Variants in EXOC4 observed in about 807,000 individuals in gnomAD.
EXOC4 encodes exocyst complex component 4.
A neutral mutation model predicts 107.2 loss-of-function variants in EXOC4; 71 were observed. That is an observed-to-expected ratio of 0.66 (90% CI 0.55 to 0.81). The LOEUF (loss-of-function observed/expected upper bound fraction) is 0.81, where lower values mean the gene tolerates loss of function less well. Among genes scored for constraint, EXOC4 ranks in the 30% least tolerant of loss-of-function variants. The pLI is 0.00. For missense variants in EXOC4, 1,108 were observed against 1,189.6 expected (o/e 0.93, Z 1.01); for synonymous variants, 456 against 441.2 (o/e 1.03, Z -0.42).
At chr7:133,490,231 A>G (rs1378562593) in intron 9 of EXOC4, among the ~76,000 whole-genome samples, 1 of 152,176 alleles carries the variant, frequency 6.6e-6, no homozygotes, top group African/African-American at 2.4e-5. Context: ...TGCATGAGAG[A>G]TGAGTAAACT....
At chr7:134,058,034 T>C (rs1795970948) in intron 17 of EXOC4, among the ~76,000 whole-genome samples, 1 of 152,230 alleles carries the variant, frequency 6.6e-6, no homozygotes, top group Non-Finnish European at 1.5e-5. Context: ...TTATCTGGTT[T>C]ATGGGTTATT....
At chr7:134,050,339 A>G (rs1795755840) in intron 17 of EXOC4, among the ~76,000 whole-genome samples, 1 of 152,188 alleles carries the variant, frequency 6.6e-6, no homozygotes. Context: ...TAACAATTCT[A>G]TGAGCTAGGT....
intron 9 of EXOC4, among the ~76,000 whole-genome samples, chr7:133,548,653 A>G (rs1200799888): frequency 6.6e-6 from 1 of 152,146 alleles, no homozygotes; most frequent in Non-Finnish European, 1.5e-5. Flanking sequence ...CTTAAACCTA[A>G]TGAACCAGCC....
intron 1 of EXOC4, among the ~76,000 whole-genome samples, chr7:133,270,036 G>A (rs1793830245): frequency 6.6e-6 from 1 of 152,274 alleles, no homozygotes; most frequent in East Asian, 1.9e-4. Flanking sequence ...CTCAGTAGGA[G>A]GTGATTGAAT....
At chr7:133,429,215 T>A (rs1298405810) in intron 7 of EXOC4, among the ~76,000 whole-genome samples, 1 of 151,982 alleles carries the variant, frequency 6.6e-6, no homozygotes, top group Non-Finnish European at 1.5e-5. Context: ...GACTTTTAAT[T>A]TTTTTTTGAA....
chr7:133,331,441 T>C (rs1795385428), intron 5 of EXOC4, among the ~76,000 whole-genome samples: 1 of 149,562 alleles, frequency 6.7e-6, no homozygotes, highest in Non-Finnish European at 1.5e-5. Flanking sequence ...GTTAATCAGG[T>C]ATTATCTTCT....
At chr7:133,754,555 G>C (rs567245369) in intron 10 of EXOC4, among the ~76,000 whole-genome samples, 1 of 152,030 alleles carries the variant, frequency 6.6e-6, no homozygotes, top group African/African-American at 2.4e-5. Context: ...CAGAGGATGG[G>C]GACTAAAGGG....
chr7:133,438,704 TTA>T (rs1563066252), intron 7 of EXOC4, among the ~76,000 whole-genome samples: 1 of 152,238 alleles, frequency 6.6e-6, no homozygotes, highest in Non-Finnish European at 1.5e-5. Flanking sequence ...CTGCCATCCT[TTA>T]TCTTAAACGC....
intron 14 of EXOC4, among the ~76,000 whole-genome samples, chr7:133,961,265 G>A (rs1235567133): frequency 7.0e-6 from 1 of 142,290 alleles, no homozygotes; most frequent in African/African-American, 2.6e-5. Flanking sequence ...TTAAACCAAT[G>A]AGACTCATGT....
chr7:133,745,729 T>TTTTTTTTTTTTTTC (rs1554395797), intron 10 of EXOC4, among the ~76,000 whole-genome samples: 1 of 138,486 alleles, frequency 7.2e-6, no homozygotes, highest in Non-Finnish European at 1.6e-5. Context: ...TTTTTTTTTT[T>TTTTTTTTTTTTTTC]CCTGTTTGGG....
At chr7:133,478,855 A>G (rs1402437191) in intron 8 of EXOC4, 6 of 152,136 alleles carry the variant, frequency 3.9e-5, no homozygotes, top group African/African-American at 1.2e-4. Context: ...CTTGACTGGC[A>G]GGTGGCATGT....
rs181243536 is a variant in EXOC4 at position 133,535,381 on chromosome 7, G to A, written c.1417+55243G>A. On this transcript the variant is annotated intron_variant, in intron 9 of 17. Coordinates refer to ENST00000253861, the MANE Select transcript of EXOC4 (RefSeq NM_021807.4). ...GCTGCCTTGTTTATGTGGCTAACATGATGCTAGATAATTATGAGAAGAATT... is the reference window on the plus strand; with the variant it reads ...GCTGCCTTGTTTATGTGGCTAACATAATGCTAGATAATTATGAGAAGAATT... Among the ~76,000 whole-genome samples, 4 of 152,258 alleles carry A rather than the reference G, an allele frequency of 2.6e-5. No individual in the cohort carries two copies. In the East Asian group the frequency reaches 7.7e-4, roughly 29 times the overall value.
In EXOC4 at chr7:133,305,804, C is replaced by A. The variant is rs10229047; in HGVS notation, c.472-73C>A. ...TCCCTTTGTTAGTATCTTTTTAAGA[C>A]GTCTTTCTTATTTATAATATTGCCA... is the stretch of plus-strand genomic sequence containing the variant. On this transcript the variant is annotated intron_variant, in intron 3 of 17. Transcript: ENST00000253861. 29 of 1,293,590 alleles carry A rather than the reference C, an allele frequency of 2.2e-5. No individual in the cohort carries two copies. The African/African-American group carries it at 4.1e-4, about 18-fold the overall frequency. 80.1% of individuals were successfully genotyped at this position (1,293,590 alleles called of 1,614,324 possible). A position where few individuals can be genotyped will look rare whatever the true frequency, so the allele number is the denominator to read the frequency against.
intron 10 of EXOC4, among the ~76,000 whole-genome samples, chr7:133,749,179 A>G (rs530995897): frequency 2.6e-5 from 4 of 152,226 alleles, no homozygotes; most frequent in African/African-American, 9.6e-5. Context: ...TAAATTCAGG[A>G]GATTTAGGTG....
chr7:133,405,786 G>A (rs995959934), intron 7 of EXOC4, among the ~76,000 whole-genome samples: 2 of 152,258 alleles, frequency 1.3e-5, no homozygotes, highest in East Asian at 3.9e-4. Flanking sequence ...GTGAATATGC[G>A]CTTGGGAACT....
chr7:133,715,086 A>G (rs1724806477), intron 10 of EXOC4, among the ~76,000 whole-genome samples: 1 of 152,188 alleles, frequency 6.6e-6, no homozygotes, highest in Non-Finnish European at 1.5e-5. Flanking sequence ...CCTGGGTTGT[A>G]TAAATAAAGG....
At chr7:133,855,072 A>AATATAT (rs368720520) in intron 11 of EXOC4, among the ~76,000 whole-genome samples, 1 of 57,094 alleles carries the variant, frequency 1.8e-5, no homozygotes, top group African/African-American at 1.6e-4. Flanking sequence ...AATATATCTA[A>AATATAT]ATATATCTAA....
At chr7:133,478,680 T>G (rs1240293300) in intron 8 of EXOC4, among the ~76,000 whole-genome samples, 3 of 152,220 alleles carry the variant, frequency 2.0e-5, no homozygotes, top group Non-Finnish European at 4.4e-5. Flanking sequence ...TTACCCTCTT[T>G]AATTACCCTT....
In EXOC4 at chr7:133,837,679, G is replaced by A. The variant is rs115098892; in HGVS notation, c.1734+20135G>A. Among the ~76,000 whole-genome samples the A allele has an allele frequency of 2.4e-3, 370 of 152,250 alleles. 5 individuals carry two copies. Among genetic ancestry groups the A allele is most frequent in the African/African-American group, 8.3e-3 (344 of 41,526 alleles). On this transcript the variant is annotated intron_variant, in intron 11 of 17. Coordinates refer to ENST00000253861, the MANE Select transcript of EXOC4 (RefSeq NM_021807.4). ...TTATTGCCTGACATCTTCTTAGCTC[G>A]TGAAGCTGTTTTTCCAGTGAGGATT...
Sources: gnomAD v4.1 joint callset for allele counts (sites outside exome capture counted in the v4.1 genomes callset) on GRCh38, gnomAD v4.1.1 for gene constraint, MANE v1.5 for transcripts, NCBI Gene and HGNC (gene_info 2026-07-23, HGNC 2026-07-21) for gene names.